Variants in PRMT8 observed in about 807,000 individuals in gnomAD.
The protein encoded by PRMT8 is protein arginine methyltransferase 8.
A neutral mutation model predicts 47.1 loss-of-function variants in PRMT8; 7 were observed. That is an observed-to-expected ratio of 0.15 (90% confidence interval 0.08 to 0.28). The LOEUF (loss-of-function observed/expected upper bound fraction) is 0.28, where lower values mean the gene tolerates loss of function less well. Ranked by LOEUF, PRMT8 falls within the 10% of genes least tolerant of loss-of-function variation. The probability of loss-of-function intolerance (pLI) is 1.00; values close to 1 mark genes in which losing one functional copy is unlikely to be tolerated. For missense variants in PRMT8, 237 were observed against 505.4 expected, an observed-to-expected ratio of 0.47 and a Z score of 5.09; for synonymous variants, 188 against 186.5, an observed-to-expected ratio of 1.01 and a Z score of -0.07.
At chr12:3,418,758 G>T (rs899446425) in intron 1 of PRMT8, among the ~76,000 whole-genome samples, 15 of 151,560 alleles carry the variant, frequency 9.9e-5, no homozygotes, top group African/African-American at 3.1e-4. Flanking sequence ...ACCCAGGAAA[G>T]CAGTGTCTTC....
At chr12:3,437,060 A>G (rs575880464) in intron 1 of PRMT8, among the ~76,000 whole-genome samples, 3 of 152,202 alleles carry the variant, frequency 2.0e-5, no homozygotes, top group Non-Finnish European at 4.4e-5. Context: ...GACAATTCAA[A>G]TGACAGCTGG....
At chr12:3,472,022 G>C (rs979014748) in intron 1 of PRMT8, among the ~76,000 whole-genome samples, 1 of 152,152 alleles carries the variant, frequency 6.6e-6, no homozygotes, top group South Asian at 2.1e-4. Flanking sequence ...CTCTCGGGTG[G>C]GGGCAGTGCT....
At chr12:3,584,014 A>G (rs1255422027) in intron 8 of PRMT8, among the ~76,000 whole-genome samples, 5 of 152,158 alleles carry the variant, frequency 3.3e-5, no homozygotes, top group Admixed American at 2.6e-4. Context: ...CCTTAGTCAG[A>G]GGCTCTCATC....
chr12:3,496,214 A>ATATATATATATATATATTTTTT, intron 1 of PRMT8, among the ~76,000 whole-genome samples: 2 of 27,776 alleles, frequency 7.2e-5, no homozygotes, highest in Non-Finnish European at 1.6e-4. Context: ...ATATATATAT[A>ATATATATATATATATATTTTTT]TTTTTTTTTT....
At position 3,397,497 on chromosome 12, in the gene PRMT8, G is replaced by C. The variant is rs965098604; in HGVS notation, c.48+16055G>C. On this transcript the variant is annotated intron_variant, in intron 1 of 9. Coordinates refer to the PRMT8 transcript ENST00000452611. ...GTGAGGTGTCAGTCTGCCCCTGCTG[G>C]GGGGTGCCTCCCAGTTAGGCTGCTC... Among the ~76,000 whole-genome samples the C allele has an allele frequency of 7.4e-4, 111 of 150,946 alleles. 1 individual carries two copies. The highest frequency in any genetic ancestry group is 2.6e-3 in the African/African-American group (107 of 41,062).
In PRMT8 at chr12:3,570,733, A is replaced by G. The variant is rs141735212; in HGVS notation, c.712+1169A>G. Among the ~76,000 whole-genome samples, 21 of 152,296 alleles carry G rather than the reference A, an allele frequency of 1.4e-4. No homozygotes were observed. The East Asian group carries it at 4.0e-3, about 29-fold the overall frequency. ...GGTTCATGCCTTTCTGGAAATATAAACTCAAAGTGTGAAGTTCAGAGCCAG... is the reference window on the plus strand; with the variant it reads ...GGTTCATGCCTTTCTGGAAATATAAGCTCAAAGTGTGAAGTTCAGAGCCAG... On this transcript the variant is annotated intron_variant, in intron 6 of 9. Transcript: ENST00000382622. The surrounding 1 kb of genome is among the most constrained non-coding windows in gnomAD (Gnocchi z 5.5).
upstream of PRMT8, among the ~76,000 whole-genome samples, chr12:3,490,684 A>AGAGAGC (rs1216109894): frequency 3.6e-4 from 26 of 71,332 alleles, no homozygotes; most frequent in African/African-American, 1.2e-3. Context: ...AAAGAGAGAG[A>AGAGAGC]GAGAGAGAGA....
At chr12:3,560,710 A>C (rs1170211046) in intron 4 of PRMT8, among the ~76,000 whole-genome samples, 1 of 152,202 alleles carries the variant, frequency 6.6e-6, no homozygotes, top group African/African-American at 2.4e-5. Context: ...GCATGACCTA[A>C]AGCATAAATG....
Position 3,465,010 on chromosome 12 carries a change from G to C in PRMT8, c.49-75596G>C, listed in dbSNP as rs553939482. 7.3e-5 allele frequency among the ~76,000 whole-genome samples: 11 copies of C among 151,548 alleles called. 2 individuals carry two copies. In the South Asian group the frequency reaches 2.1e-3, roughly 29 times the overall value. On this transcript the variant is annotated intron_variant, in intron 1 of 9. Coordinates refer to the PRMT8 transcript ENST00000452611. ...GTGGTGGTGCATGCCAGCTACTTGG[G>C]AGGCTGAGGCAGGAGAATCGCTTAA... is the stretch of plus-strand genomic sequence containing the variant.
In PRMT8 at chr12:3,570,994, C is replaced by G. The variant is rs942717314; in HGVS notation, c.712+1430C>G. Reference sequence around the variant, plus strand: ...CTTTGCCATGTCCTAACTGGGTAACCTTGAGCAAATTATCTAATACCTTTG... The same window carrying G: ...CTTTGCCATGTCCTAACTGGGTAACGTTGAGCAAATTATCTAATACCTTTG... On this transcript the variant is annotated intron_variant, in intron 6 of 9. Coordinates refer to ENST00000382622, the MANE Select transcript of PRMT8 (RefSeq NM_019854.5). The surrounding 1 kb of genome is among the most constrained non-coding windows in gnomAD (Gnocchi z 5.5). Among the ~76,000 whole-genome samples the G allele has an allele frequency of 1.3e-5, 2 of 152,204 alleles. No individual in the cohort carries two copies. The highest frequency in any genetic ancestry group is 4.8e-5 in the African/African-American group (2 of 41,450).
chr12:3,402,427 A>G (rs1191399298), intron 1 of PRMT8, among the ~76,000 whole-genome samples: 3 of 152,238 alleles, frequency 2.0e-5, no homozygotes, highest in Admixed American at 6.5e-5. Flanking sequence ...CAAAGATTTC[A>G]TGATGAAAAT....
At position 3,456,703 on chromosome 12, in the gene PRMT8, G is replaced by T. The variant is rs775714195; in HGVS notation, c.48+75261G>T. Among the ~76,000 whole-genome samples, 1 of 152,202 alleles carries T rather than the reference G, an allele frequency of 6.6e-6. No individual in the cohort carries two copies. Among genetic ancestry groups the T allele is most frequent in the Non-Finnish European group, 1.5e-5 (1 of 68,044 alleles). Reference sequence around the variant, plus strand: ...GGGTGAGCTAGTTTGGCCTGGAGGGGAGGGCAGTGAGGAACCCGTGAGAAG... The same window carrying T: ...GGGTGAGCTAGTTTGGCCTGGAGGGTAGGGCAGTGAGGAACCCGTGAGAAG... On this transcript the variant is annotated intron_variant, in intron 1 of 9. Coordinates refer to the PRMT8 transcript ENST00000452611. The surrounding 1 kb of genome is among the most constrained non-coding windows in gnomAD (Gnocchi z 4.2).
At chr12:3,519,615 A>C (rs1865850218) in intron 1 of PRMT8, among the ~76,000 whole-genome samples, 1 of 152,170 alleles carries the variant, frequency 6.6e-6, no homozygotes, top group African/African-American at 2.4e-5. Flanking sequence ...GGGTAAATGG[A>C]TGAGATGACT....
chr12:3,584,767 A>G (rs1393913569), intron 8 of PRMT8, among the ~76,000 whole-genome samples: 3 of 152,140 alleles, frequency 2.0e-5, no homozygotes, highest in Non-Finnish European at 4.4e-5. Context: ...ATAATTATAG[A>G]TTCACAGGAA....
chr12:3,481,632 C>T (rs938104869), intron 1 of PRMT8, among the ~76,000 whole-genome samples: 2 of 152,096 alleles, frequency 1.3e-5, no homozygotes, highest in East Asian at 1.9e-4. Flanking sequence ...AAAGCAACCT[C>T]GAGGTTATGG....
At chr12:3,519,905 A>G (rs1252248081) in intron 1 of PRMT8, among the ~76,000 whole-genome samples, 1 of 152,338 alleles carries the variant, frequency 6.6e-6, no homozygotes, top group African/African-American at 2.4e-5. Flanking sequence ...TTTGGGAAAC[A>G]TCTAATTTTT....
intron 1 of PRMT8, among the ~76,000 whole-genome samples, chr12:3,391,249 G>T (rs1864190135): frequency 6.6e-6 from 1 of 152,228 alleles, no homozygotes; most frequent in Non-Finnish European, 1.5e-5. Flanking sequence ...CACTGGAGGG[G>T]AAAACCATGA....
chr12:3,540,618 C>CCGG lies in PRMT8; in HGVS notation c.89_90insGGC (p.Pro30_Ser31insAla). 4 of 1,134,798 alleles carry CCGG rather than the reference C, an allele frequency of 3.5e-6. No individual in the cohort carries two copies. Among genetic ancestry groups the CCGG allele is most frequent in the South Asian group, 1.3e-5 (1 of 79,788 alleles). 70.3% of individuals were successfully genotyped at this position (1,134,798 alleles called of 1,614,324 possible). ...CTCTTCCCCTCAGGTGAACAGCCCC[C>CCGG]CCTCCCAGCCCCCCCAGCCCGTCGT... On this transcript the variant is annotated inframe_insertion, in exon 2 of 10. Transcript: ENST00000382622.
chr12:3,388,982 G>C (rs954998399), intron 1 of PRMT8, among the ~76,000 whole-genome samples: 10 of 152,160 alleles, frequency 6.6e-5, no homozygotes, highest in African/African-American at 2.4e-4. Context: ...AGGCTGTGGA[G>C]TTCTGCTTTG....
Sources: gnomAD v4.1 joint callset for allele counts (sites outside exome capture counted in the v4.1 genomes callset) on GRCh38, gnomAD v4.1.1 for gene constraint, Gnocchi (gnomAD v3.1) non-coding constraint, MANE v1.5 for transcripts, NCBI Gene and HGNC (gene_info 2026-07-23, HGNC 2026-07-21) for gene names.